PGR: variants seen among roughly 807,000 people sequenced by gnomAD.
The protein encoded by PGR is nuclear receptor subfamily 3 group C member 3.
In PGR, 25 loss-of-function variants were observed where a neutral mutation model predicts 76.1. That is an observed-to-expected ratio of 0.33 (90% CI 0.24 to 0.46). The LOEUF (loss-of-function observed/expected upper bound fraction) is 0.46, where lower values mean the gene tolerates loss of function less well. Among genes scored for constraint, PGR ranks in the 20% least tolerant of loss-of-function variants. PGR has a pLI of 1.00. For synonymous variants in PGR, 579 were observed against 535.0 expected, an observed-to-expected ratio of 1.08 and a Z score of -1.14; for missense variants, 1,172 against 1,225.3, an observed-to-expected ratio of 0.96 and a Z score of 0.65.
At chr11:101,065,228 C>G (rs1455628547) in intron 3 of PGR, among the ~76,000 whole-genome samples, 1 of 152,050 alleles carries the variant, frequency 6.6e-6, no homozygotes, top group Admixed American at 6.6e-5. Context: ...TTATAAACTG[C>G]TAACTACACA....
At chr11:101,097,204 T>C (rs1861861274) in intron 2 of PGR, among the ~76,000 whole-genome samples, 3 of 152,144 alleles carry the variant, frequency 2.0e-5, no homozygotes, top group Admixed American at 1.3e-4. Context: ...ACATACTCTT[T>C]CCCATGTTCT....
At chr11:101,095,768 T>G (rs2135462456) in intron 2 of PGR, among the ~76,000 whole-genome samples, 1 of 152,326 alleles carries the variant, frequency 6.6e-6, no homozygotes, top group Non-Finnish European at 1.5e-5. Flanking sequence ...TAGCAAGTAC[T>G]TAACAAATGT....
intron 4 of PGR, among the ~76,000 whole-genome samples, chr11:101,055,590 A>G (rs1445092752): frequency 1.3e-5 from 2 of 152,080 alleles, no homozygotes; most frequent in Non-Finnish European, 2.9e-5. Context: ...TATAATATTT[A>G]AATATTTGAC....
At chr11:101,120,875 C>T (rs917272784) in intron 2 of PGR, among the ~76,000 whole-genome samples, 4 of 152,292 alleles carry the variant, frequency 2.6e-5, no homozygotes, top group African/African-American at 9.6e-5. Context: ...AGCACTAGCA[C>T]GCATGGCTAA....
intron 7 of PGR, among the ~76,000 whole-genome samples, chr11:101,040,331 C>T (rs1012738991): frequency 2.6e-5 from 4 of 152,002 alleles, no homozygotes; most frequent in Non-Finnish European, 5.9e-5. Context: ...AACTACTGCT[C>T]TGCACAGTTA....
At position 101,072,921 on chromosome 11, in the gene PGR, G is replaced by GTCT. The variant is rs1591390180; in HGVS notation, c.1907-10170_1907-10169insAGA. 3.9e-5 allele frequency among the ~76,000 whole-genome samples: 6 copies of GTCT among 152,230 alleles called. No homozygotes were observed. In the South Asian group the frequency reaches 6.2e-4, roughly 16 times the overall value. ...CAATATTAGACAGATCAACAAGACA[G>GTCT]AAAATTAATAAGGATATCCAGGACT... is the stretch of plus-strand genomic sequence containing the variant. On this transcript the variant is annotated intron_variant, in intron 3 of 7. Coordinates refer to ENST00000325455, the MANE Select transcript of PGR (RefSeq NM_000926.4).
At position 101,127,567 on chromosome 11, in the gene PGR, C is replaced by CGGA; in HGVS notation, c.1503_1504insTCC (p.Ser501dup). Reference sequence around the variant, plus strand: ...GCGGGGGCCGCCCCGGCGGCGGCGGCAGAGGCGGAGGTGGAGGGCAGGCCG... The same window carrying CGGA: ...GCGGGGGCCGCCCCGGCGGCGGCGGCGGAAGAGGCGGAGGTGGAGGGCAGGCCG... On this transcript the variant is annotated inframe_insertion, in exon 1 of 8. Coordinates refer to ENST00000325455, the MANE Select transcript of PGR (RefSeq NM_000926.4). 1 of 1,373,908 alleles carries CGGA rather than the reference C, an allele frequency of 7.3e-7. No individual in the cohort carries two copies. The highest frequency in any genetic ancestry group is 9.4e-7 in the Non-Finnish European group (1 of 1,062,936). The allele number at this position is 1,373,908 out of a possible 1,614,324, so 85.1% of individuals were successfully genotyped here.
chr11:101,041,597 G>A (rs1372637258), intron 7 of PGR: 1 of 202,672 alleles, frequency 4.9e-6, no homozygotes. Context: ...AAAATGGCAT[G>A]AGTCTTATTT....
chr11:101,065,791 G>C (rs79668670), intron 3 of PGR, among the ~76,000 whole-genome samples: 17,813 of 151,926 alleles, frequency 0.12, 1,360 homozygotes, highest in Non-Finnish European at 0.16. Flanking sequence ...GGTGAGCAAG[G>C]GGGGATAAGA....
In PGR at chr11:101,030,304, A is replaced by G; in HGVS notation, c.*8812T>C. 8.9e-6 allele frequency: 2 copies of G among 224,888 alleles called. No individual in the cohort carries two copies. Among genetic ancestry groups the G allele is most frequent in the East Asian group, 6.5e-5 (1 of 15,420 alleles). 13.9% of individuals were successfully genotyped at this position (224,888 alleles called of 1,614,324 possible). On this transcript the variant is annotated 3_prime_UTR_variant, in exon 8 of 8. Coordinates refer to ENST00000325455, the MANE Select transcript of PGR (RefSeq NM_000926.4). ...TCAACACAAAAAAATGTGAATATCT[A>G]CCATGTGCAAAACAGTCAAAGTATG...
chr11:101,041,475 T>G (rs1418608229), intron 7 of PGR, among the ~76,000 whole-genome samples: 2 of 152,150 alleles, frequency 1.3e-5, no homozygotes, highest in Admixed American at 1.3e-4. Context: ...GTCTAATTAT[T>G]TCTTTAAGAT....
intron 4 of PGR, among the ~76,000 whole-genome samples, chr11:101,056,572 C>T (rs2045358): frequency 6.8e-6 from 1 of 146,212 alleles, no homozygotes; most frequent in South Asian, 2.2e-4. Flanking sequence ...CCCAGGAGTT[C>T]TAAGCTGCCG....
Position 101,036,764 on chromosome 11 carries a change from C to A in PGR, c.*2352G>T, listed in dbSNP as rs1403767641. The stretch of plus-strand genomic sequence containing the variant: ...ACAAAAGCCAAACCTGTGGCCACCA[C>A]ATTCTATTCCCTCATAGTTGAGTGA... On this transcript the variant is annotated 3_prime_UTR_variant, in exon 8 of 8. Coordinates refer to ENST00000325455, the MANE Select transcript of PGR (RefSeq NM_000926.4). 2 of 198,364 alleles carry A rather than the reference C, an allele frequency of 1.0e-5. No homozygotes were observed. Among genetic ancestry groups the A allele is most frequent in the African/African-American group, 4.6e-5 (2 of 43,426 alleles). 12.3% of individuals were successfully genotyped at this position (198,364 alleles called of 1,614,324 possible). A position where few individuals can be genotyped will look rare whatever the true frequency, so the allele number is the denominator to read the frequency against.
chr11:101,054,530 C>A (rs1475571769), intron 4 of PGR, among the ~76,000 whole-genome samples: 1 of 152,066 alleles, frequency 6.6e-6, no homozygotes, highest in African/African-American at 2.4e-5. Context: ...AATTTAGAAT[C>A]ATTTGACAAG....
rs1859339680 is a variant in PGR, at chr11:101,031,226, T to C, written c.*7890A>G. 3 of 221,052 alleles carry C rather than the reference T, an allele frequency of 1.4e-5. No homozygotes were observed. The highest frequency in any genetic ancestry group is 6.6e-5 in the East Asian group (1 of 15,218). 13.7% of individuals were successfully genotyped at this position (221,052 alleles called of 1,614,324 possible). On this transcript the variant is annotated 3_prime_UTR_variant, in exon 8 of 8. Coordinates refer to ENST00000325455, the MANE Select transcript of PGR (RefSeq NM_000926.4). ...GCAGTGCTGAAGCTGAAAGAATAGA[T>C]AAATTCACAAGCCAAAGACTTAAAT... is the stretch of plus-strand genomic sequence containing the variant.
At chr11:101,055,181 G>A (rs940392831) in intron 4 of PGR, among the ~76,000 whole-genome samples, 2 of 151,932 alleles carry the variant, frequency 1.3e-5, no homozygotes, top group Non-Finnish European at 2.9e-5. Flanking sequence ...TTGGGAGGCC[G>A]AGGTGGGTGG....
intron 3 of PGR, among the ~76,000 whole-genome samples, chr11:101,064,488 G>A (rs1254701233): frequency 6.6e-6 from 1 of 152,028 alleles, no homozygotes; most frequent in Non-Finnish European, 1.5e-5. Flanking sequence ...CTTTCTGGGG[G>A]AAGGAATGAG....
At chr11:101,093,265 A>G (rs1861729529) in intron 2 of PGR, among the ~76,000 whole-genome samples, 1 of 152,006 alleles carries the variant, frequency 6.6e-6, no homozygotes, top group Admixed American at 6.6e-5. Context: ...CCAGTCCTAC[A>G]GGAGGTTAGC....
chr11:101,107,877 A>AG (rs1565362313), intron 2 of PGR, among the ~76,000 whole-genome samples: 1 of 145,842 alleles, frequency 6.9e-6, no homozygotes, highest in East Asian at 1.9e-4. Flanking sequence ...AAAAAAAAAA[A>AG]AAAGAAAGAA....
Sources: allele counts gnomAD v4.1 joint callset (sites outside exome capture counted in the v4.1 genomes callset), GRCh38; gene constraint gnomAD v4.1.1; transcripts MANE v1.5; gene names NCBI Gene and HGNC (gene_info 2026-07-23, HGNC 2026-07-21).